The following PCDHGA5 variants were observed in gnomAD, a reference collection of about 807,000 sequenced individuals.
PCDHGA5 encodes protocadherin gamma-A5.
A neutral mutation model predicts 56.7 loss-of-function variants in PCDHGA5; 36 were observed. The observed-to-expected ratio is 0.64, with a 90% CI of 0.49 to 0.84. PCDHGA5 has a LOEUF of 0.84. Ranked by LOEUF, PCDHGA5 falls within the 40% of genes least tolerant of loss-of-function variation. The pLI, the probability that PCDHGA5 is intolerant of heterozygous loss-of-function variation, is 0.00. For synonymous variants in PCDHGA5, 563 were observed against 520.2 expected (o/e 1.08, Z -1.12); for missense variants, 1,305 against 1,201.5 (o/e 1.09, Z -1.27).
chr5:141,450,831 T>TATTA (rs761717068), intron 1 of PCDHGA5, among the ~76,000 whole-genome samples: 2 of 144,580 alleles, frequency 1.4e-5, no homozygotes, highest in South Asian at 2.2e-4. Flanking sequence ...TTATTATTAT[T>TATTA]TTTTTTTTTT....
At chr5:141,400,773 T>A in intron 1 of PCDHGA5, 1 of 572,450 alleles carries the variant, frequency 1.7e-6, no homozygotes, top group East Asian at 2.9e-5. Flanking sequence ...AAACATTTGG[T>A]GCGTTTTTTT....
chr5:141,413,286 C>G, intron 1 of PCDHGA5: 1 of 1,613,968 alleles, frequency 6.2e-7, no homozygotes, highest in Non-Finnish European at 8.5e-7. Flanking sequence ...AGATCTCCTA[C>G]TCAATTCCTG....
Position 141,365,430 on chromosome 5 carries a change from C to T in PCDHGA5, c.1100C>T (p.Ala367Val), listed in dbSNP as rs151160787. ...SEDCLPGTVI[A>V]LFSVHDGDSG... The stretch of plus-strand genomic sequence containing the variant: ...GACTGTCTTCCCGGAACTGTAATCG[C>T]GCTGTTTAGCGTACATGATGGTGAT... Residue 367 changes from alanine (A) to valine (V), a missense_variant, in exon 1 of 4, where the codon GCG becomes GTG. Coordinates refer to ENST00000518069, the MANE Select transcript of PCDHGA5 (RefSeq NM_018918.3). 2.0e-4 allele frequency: 316 copies of T among 1,613,960 alleles called. 3 individuals are homozygous for T. The East Asian group carries it at 6.1e-3, about 31-fold the overall frequency.
chr5:141,500,521 A>T lies in PCDHGA5; in HGVS notation c.2481-4872A>T, dbSNP rs185546944. 3.7e-3 allele frequency among the ~76,000 whole-genome samples: 560 copies of T among 152,176 alleles called. 5 individuals are homozygous for T. Among genetic ancestry groups the T allele is most frequent in the Admixed American group, 0.011 (162 of 15,280 alleles). On this transcript the variant is annotated intron_variant, in intron 2 of 3. Coordinates refer to ENST00000518069, the MANE Select transcript of PCDHGA5 (RefSeq NM_018918.3). Reference sequence around the variant, plus strand: ...ACCGCGCCTGGCCGAGCTTCATTTTAAAAAAATCTCATTCACCTAAATAAG... The same window carrying T: ...ACCGCGCCTGGCCGAGCTTCATTTTTAAAAAATCTCATTCACCTAAATAAG...
intron 1 of PCDHGA5, chr5:141,415,543 G>A (rs1561758242): frequency 6.2e-7 from 1 of 1,614,130 alleles, no homozygotes; most frequent in East Asian, 2.2e-5. Context: ...GGAGAGCTGT[G>A]AGAAAAACGA....
intron 1 of PCDHGA5, chr5:141,433,370 T>TCTAA (rs1466476027): frequency 1.8e-6 from 1 of 554,768 alleles, no homozygotes; most frequent in African/African-American, 1.9e-5. Context: ...TATCTATCTA[T>TCTAA]CTATCTATCT....
At position 141,455,354 on chromosome 5, in the gene PCDHGA5, T is replaced by C. The variant is rs185319743; in HGVS notation, c.2422-39453T>C. ...TGGTTTTAAGGAGCGGAGAGTTTAA[T>C]AGGCAAGAAGGAAGGGAGAAGACAG... On this transcript the variant is annotated intron_variant, in intron 1 of 3. Coordinates refer to ENST00000518069, the MANE Select transcript of PCDHGA5 (RefSeq NM_018918.3). Among the ~76,000 whole-genome samples the C allele has an allele frequency of 1.7e-3, 263 of 152,180 alleles. 2 individuals are homozygous for C. The highest frequency in any genetic ancestry group is 3.0e-3 in the Non-Finnish European group (207 of 68,010).
At position 141,365,645 on chromosome 5, in the gene PCDHGA5, C is replaced by G; in HGVS notation, c.1315C>G (p.Pro439Ala). The change falls in exon 1 of 4, where the codon CCC becomes GCC. Residue 439 changes from proline to alanine, a missense_variant. Physicochemically the swap from Pro to Ala is conservative, Grantham distance 27. Coordinates refer to ENST00000518069, the MANE Select transcript of PCDHGA5 (RefSeq NM_018918.3). ...GCCCCTCTCTACAGAAAGCCACATC[C>G]CCTTGAAAGTAGCAGACGTTAATGA... ...TPPLSTESHI[P>A]LKVADVNDNP... The G allele has an allele frequency of 6.2e-7, 1 of 1,613,572 alleles. No individual in the cohort carries two copies. Among genetic ancestry groups the G allele is most frequent in the East Asian group, 2.2e-5 (1 of 44,874 alleles).
At chr5:141,434,193 T>G (rs2097677103) in intron 1 of PCDHGA5, among the ~76,000 whole-genome samples, 1 of 152,246 alleles carries the variant, frequency 6.6e-6, no homozygotes, top group South Asian at 2.1e-4. Flanking sequence ...GTAATTCCAA[T>G]GTACTTACTT....
intron 1 of PCDHGA5, chr5:141,421,708 C>T (rs2096594348): frequency 1.9e-6 from 3 of 1,613,780 alleles, no homozygotes; most frequent in South Asian, 2.2e-5. Flanking sequence ...TGCTAGGGAT[C>T]CAGATGTGGG....
intron 1 of PCDHGA5, chr5:141,400,533 C>A (rs1416453682): frequency 6.2e-7 from 1 of 1,613,900 alleles, no homozygotes; most frequent in Non-Finnish European, 8.5e-7. Context: ...TGGTGAGTTT[C>A]ATTTATGTCT....
chr5:141,497,540 CTTT>C (rs754207034), intron 2 of PCDHGA5, among the ~76,000 whole-genome samples: 11 of 134,886 alleles, frequency 8.2e-5, no homozygotes, highest in African/African-American at 1.9e-4. Context: ...TGCAACAAAC[CTTT>C]TTTTTTTTTT....
rs150106838 is a variant in PCDHGA5, at chr5:141,503,886, T to C, written c.2481-1507T>C. On this transcript the variant is annotated intron_variant, in intron 2 of 3. Coordinates refer to ENST00000518069, the MANE Select transcript of PCDHGA5 (RefSeq NM_018918.3). Reference sequence around the variant, plus strand: ...AGTTCTTGGTTGTGCTCACCCACCATGACAAAATATGCACACACACAACGC... The same window carrying C: ...AGTTCTTGGTTGTGCTCACCCACCACGACAAAATATGCACACACACAACGC... Among the ~76,000 whole-genome samples, 20 of 152,290 alleles carry C rather than the reference T, an allele frequency of 1.3e-4. No individual in the cohort carries two copies. The South Asian group carries it at 3.9e-3, about 30-fold the overall frequency.
chr5:141,467,321 G>A (rs2099141786), intron 1 of PCDHGA5, among the ~76,000 whole-genome samples: 2 of 152,024 alleles, frequency 1.3e-5, no homozygotes, highest in East Asian at 1.9e-4. Context: ...CCACAGTGCT[G>A]GGATTAGAGA....
chr5:141,423,630 T>C, intron 1 of PCDHGA5: 1 of 1,603,994 alleles, frequency 6.2e-7, no homozygotes, highest in Non-Finnish European at 8.5e-7. Flanking sequence ...CAGCTATCAT[T>C]TTAGGCAAAT....
intron 1 of PCDHGA5, among the ~76,000 whole-genome samples, chr5:141,481,728 C>T (rs529419213): frequency 2.1e-4 from 32 of 152,032 alleles, no homozygotes; most frequent in African/African-American, 7.2e-4. Flanking sequence ...CGGAGGCGGG[C>T]GGATCACGAG....
rs186000917 is a variant in PCDHGA5, at chr5:141,371,695, C to T, written c.2421+4944C>T. ...GACAAAGGCAATCCACCGCTCTCCT[C>T]CAGCAAGACCATCACTCTGCACATC... On this transcript the variant is annotated intron_variant, in intron 1 of 3. Transcript: ENST00000518069. The T allele has an allele frequency of 8.7e-6, 14 of 1,614,058 alleles. No individual in the cohort carries two copies. In the Admixed American group the frequency reaches 1.7e-4, roughly 19 times the overall value.
In PCDHGA5 at chr5:141,486,474, C is replaced by T. The variant is rs1594589698; in HGVS notation, c.2422-8333C>T. On this transcript the variant is annotated intron_variant, in intron 1 of 3. Transcript: ENST00000518069. This position sits in a 1 kb window ranked among gnomAD's most constrained non-coding sequence, Gnocchi z 5.0. ...ACTGCTTCTGATGCTGGGAACCCTCCTCTCAGTACCCACAGAACTATTTTC... is the reference window on the plus strand; with the variant it reads ...ACTGCTTCTGATGCTGGGAACCCTCTTCTCAGTACCCACAGAACTATTTTC... 1 of 1,614,016 alleles carries T rather than the reference C, an allele frequency of 6.2e-7. No homozygotes were observed. Among genetic ancestry groups the T allele is most frequent in the South Asian group, 1.1e-5 (1 of 91,082 alleles).
chr5:141,509,155 C>G (rs981661695), intron 3 of PCDHGA5, among the ~76,000 whole-genome samples: 3 of 152,202 alleles, frequency 2.0e-5, no homozygotes, highest in Non-Finnish European at 4.4e-5. Flanking sequence ...GCTCTCCCCT[C>G]CCGTGTGCCC....
Sources: allele counts gnomAD v4.1 joint callset (sites outside exome capture counted in the v4.1 genomes callset), GRCh38; gene constraint gnomAD v4.1.1; non-coding constraint Gnocchi (gnomAD v3.1); transcripts MANE v1.5; gene names NCBI Gene and HGNC (gene_info 2026-07-23, HGNC 2026-07-21).